Variants in PEG3 observed in about 807,000 individuals in gnomAD.
PEG3 encodes the protein paternally expressed 3.
Under a neutral mutation model 35.5 loss-of-function variants are expected in PEG3, and 23 were observed. That is an observed-to-expected ratio of 0.65 (90% confidence interval 0.47 to 0.92). The LOEUF (loss-of-function observed/expected upper bound fraction) is 0.92. Ranked by LOEUF, PEG3 falls within the 40% of genes least tolerant of loss-of-function variation. PEG3 has a pLI of 0.00. For synonymous variants in PEG3, 707 were observed against 697.0 expected (o/e 1.01, Z -0.23); for missense variants, 1,960 against 1,985.3 (o/e 0.99, Z 0.24).
chr19:56,821,571 C>T, intron 7 of PEG3, 80 bp downstream of exon 7: 2 of 1,559,538 alleles, frequency 1.3e-6, no homozygotes, highest in South Asian at 1.1e-5. Flanking sequence ...GGCAGATAAA[C>T]ACACCATCTG....
rs143987667 is a variant in PEG3, at chr19:56,817,227, G to A, written c.1215C>T (p.His405=). 14 of 1,613,898 alleles carry A rather than the reference G, an allele frequency of 8.7e-6. No individual in the cohort carries two copies. The highest frequency in any genetic ancestry group is 3.3e-4 in the Middle Eastern group (2 of 6,084). The change falls in exon 10 of 10, where the codon CAC becomes CAT. Residue 405 remains histidine, a synonymous_variant. Coordinates refer to ENST00000326441, the MANE Select transcript of PEG3 (RefSeq NM_006210.3). ...TCTTCCTGGGACAGCCTTTTTGATC[G>A]TGAATCGAGCCCTTCCCATCTGTGT... ...HFDTDGKGSI[H]DQKGCPRKKP...
intron 8 of PEG3, among the ~76,000 whole-genome samples, chr19:56,818,278 G>T (rs1359283246): frequency 1.3e-5 from 2 of 152,056 alleles, no homozygotes; most frequent in Non-Finnish European, 2.9e-5. Context: ...AGTCCACATG[G>T]GAACTCAGGA....
Position 56,821,726 on chromosome 19 carries a change from A to C in PEG3, c.594T>G (p.Pro198=), listed in dbSNP as rs752861459. The C allele has an allele frequency of 6.2e-7, 1 of 1,614,092 alleles. No homozygotes were observed. The highest frequency in any genetic ancestry group is 1.1e-5 in the South Asian group (1 of 91,078). The change falls in exon 7 of 10, where the codon CCT becomes CCG. Residue 198 remains proline, a synonymous_variant. Coordinates refer to ENST00000326441, the MANE Select transcript of PEG3 (RefSeq NM_006210.3). ...SRMPPRDLSL[P]VVAKTSFEMD... Reference sequence around the variant, plus strand: ...TTTCAAAGCTTGTTTTCGCCACCACAGGAAGGGAAAGATCCCGCGGAGGCA... The same window carrying C: ...TTTCAAAGCTTGTTTTCGCCACCACCGGAAGGGAAAGATCCCGCGGAGGCA...
At position 56,810,963 on chromosome 19, in the gene PEG3, A is replaced by G; in HGVS notation, c.*2712T>C. ...GAAAAAATTAAAGTGAAAGTATTTA[A>G]CCATAATTCCACAAAGGTAATGTAA... On this transcript the variant is annotated 3_prime_UTR_variant, in exon 10 of 10. Transcript: ENST00000326441. The G allele has an allele frequency of 1.0e-6, 1 of 971,348 alleles. No individual in the cohort carries two copies. The highest frequency in any genetic ancestry group is 4.8e-5 in the South Asian group (1 of 20,978). 60.2% of individuals were successfully genotyped at this position (971,348 alleles called of 1,614,324 possible).
chr19:56,836,010 C>A lies in PEG3; in HGVS notation c.-163+8G>T. 2.0e-6 allele frequency: 1 copy of A among 511,160 alleles called. No individual in the cohort carries two copies. Among genetic ancestry groups the A allele is most frequent in the South Asian group, 1.4e-5 (1 of 69,346 alleles). The allele number at this position is 511,160 out of a possible 1,614,324, so 31.7% of individuals were successfully genotyped here. A position where few individuals can be genotyped will look rare whatever the true frequency, so the allele number is the denominator to read the frequency against. ...AATGTGGCACTGTGAGGAGGAAATT[C>A]AACTCACCTGGACCCAGCCACCTAG... On this transcript the variant is annotated splice_region_variant and intron_variant, in intron 2 of 9. Transcript: ENST00000326441.
In PEG3 at chr19:56,814,585, A is replaced by G. The variant is rs1025148020; in HGVS notation, c.3857T>C (p.Val1286Ala). The G allele has an allele frequency of 6.2e-7, 1 of 1,614,038 alleles. No homozygotes were observed. Among genetic ancestry groups the G allele is most frequent in the East Asian group, 2.2e-5 (1 of 44,876 alleles). ...TGGGTTGACGAAAGATTCTCCACAG[A>G]CTGCACATTCAAAGAGTCTCTCTTC... ...QTEERLFECA[V>A]CGESFVNPAE... Residue 1286 changes from valine to alanine, a missense_variant, in exon 10 of 10, where the codon GTC (valine) becomes GCC (alanine). By Grantham distance (64) the Val-to-Ala change is moderately conservative. This residue lies in a region of PEG3 where 416 missense variants were observed against 416.7 expected (regional missense o/e 1.00). Transcript: ENST00000326441. The surrounding 1 kb of genome is among the most constrained non-coding windows in gnomAD (Gnocchi z 5.8).
At chr19:56,828,901 G>T (rs974839241) in intron 2 of PEG3, among the ~76,000 whole-genome samples, 5 of 152,134 alleles carry the variant, frequency 3.3e-5, no homozygotes, top group African/African-American at 1.2e-4. Flanking sequence ...GTGTAGAGAA[G>T]CTAGCTGGTG....
At chr19:56,825,727 T>C (rs1763532764) in intron 3 of PEG3, among the ~76,000 whole-genome samples, 1 of 152,212 alleles carries the variant, frequency 6.6e-6, no homozygotes, top group African/African-American at 2.4e-5. Flanking sequence ...AACTACCTAC[T>C]GGCTTTACTT....
intron 9 of PEG3, 59 bp downstream of exon 9, chr19:56,817,687 T>C: frequency 6.4e-7 from 1 of 1,555,566 alleles, no homozygotes. Flanking sequence ...AGTGTAGAAG[T>C]TCCTTGATAG....
Position 56,821,631 on chromosome 19 carries a change from GA to G in PEG3, c.669+19del. ...GAAATGAAGATGGCCTTTCTAGAAA[GA>G]GAGGAAACCTGAGCATACCTGAGAT... is the stretch of plus-strand genomic sequence containing the variant. On this transcript the variant is annotated intron_variant, in intron 7 of 9. Coordinates refer to ENST00000326441, the MANE Select transcript of PEG3 (RefSeq NM_006210.3). 6.2e-7 allele frequency: 1 copy of G among 1,611,698 alleles called. No homozygotes were observed. The highest frequency in any genetic ancestry group is 1.1e-5 in the South Asian group (1 of 90,668).
chr19:56,836,850 C>T (rs1473482263), intron 1 of PEG3, among the ~76,000 whole-genome samples: 1 of 151,866 alleles, frequency 6.6e-6, no homozygotes, highest in African/African-American at 2.4e-5. Context: ...CGCCTGTATT[C>T]CCAGCTACTC....
chr19:56,834,188 G>T (rs1174126190), intron 2 of PEG3, among the ~76,000 whole-genome samples: 1 of 152,082 alleles, frequency 6.6e-6, no homozygotes, highest in African/African-American at 2.4e-5. Context: ...GTACTAAAAA[G>T]TAGGCCACAA....
chr19:56,839,358 C>A (rs1295634352), intron 1 of PEG3, among the ~76,000 whole-genome samples: 1 of 150,932 alleles, frequency 6.6e-6, no homozygotes, highest in Non-Finnish European at 1.5e-5. Context: ...CTGCTACCAA[C>A]CAACCAGGGC....
intron 2 of PEG3, chr19:56,833,157 G>A: frequency 1.9e-6 from 1 of 517,516 alleles, no homozygotes; most frequent in Non-Finnish European, 3.9e-6. Flanking sequence ...ACTCCGGTTT[G>A]GCCTCAGGCT....
intron 2 of PEG3, among the ~76,000 whole-genome samples, chr19:56,832,439 T>G (rs917639192): frequency 2.0e-5 from 3 of 152,200 alleles, no homozygotes; most frequent in African/African-American, 7.2e-5. Flanking sequence ...GACAGCTGTC[T>G]AGCCGTCATA....
Position 56,817,730 on chromosome 19 carries a change from T to C in PEG3, c.862+16A>G. The C allele has an allele frequency of 6.2e-7, 1 of 1,607,954 alleles. No homozygotes were observed. The highest frequency in any genetic ancestry group is 1.1e-5 in the South Asian group (1 of 90,918). ...CTGGTTGTGTGGCTCCTCTGTGGGA[T>C]GTGCCTCCTGCTTACCTCGACTGGT... On this transcript the variant is annotated intron_variant, in intron 9 of 9. Transcript: ENST00000326441.
chr19:56,810,350 GAAACCGAAACA>G lies in PEG3; in HGVS notation c.*3314_*3324del, dbSNP rs1831661319. Reference sequence around the variant, plus strand: ...AACACTAGAATGATGACCTTTCAAGGAAACCGAAACAAAATAACCATAATCCCACAACAACC... The same window carrying G: ...AACACTAGAATGATGACCTTTCAAGGAAATAACCATAATCCCACAACAACC... On this transcript the variant is annotated 3_prime_UTR_variant, in exon 10 of 10. Coordinates refer to ENST00000326441, the MANE Select transcript of PEG3 (RefSeq NM_006210.3). 1 of 985,176 alleles carries G rather than the reference GAAACCGAAACA, an allele frequency of 1.0e-6. No homozygotes were observed. Among genetic ancestry groups the G allele is most frequent in the Non-Finnish European group, 1.2e-6 (1 of 829,856 alleles). The allele number at this position is 985,176 out of a possible 1,614,324, so 61.0% of individuals were successfully genotyped here.
At chr19:56,839,508 G>A (rs956633947) in intron 1 of PEG3, among the ~76,000 whole-genome samples, 1 of 151,146 alleles carries the variant, frequency 6.6e-6, no homozygotes, top group African/African-American at 2.4e-5. Flanking sequence ...AACCAGGGGA[G>A]CACCTGCGCA....
chr19:56,817,911 A>G, intron 8 of PEG3, 76 bp from the exon 9 acceptor site: 2 of 1,185,552 alleles, frequency 1.7e-6, no homozygotes, highest in Non-Finnish European at 2.5e-6. Context: ...ATTGATCTTC[A>G]TCTTTCACTG....
Sources: gnomAD v4.1 joint callset for allele counts (sites outside exome capture counted in the v4.1 genomes callset) on GRCh38, gnomAD v4.1.1 for gene constraint, gnomAD v4.1.1 regional missense constraint, Gnocchi (gnomAD v3.1) non-coding constraint, MANE v1.5 for transcripts, NCBI Gene and HGNC (gene_info 2026-07-23, HGNC 2026-07-21) for gene names.